The following PTPRD variants were observed in gnomAD, a reference collection of about 807,000 sequenced individuals.
PTPRD encodes the protein receptor-type tyrosine-protein phosphatase delta.
Under a neutral mutation model 214.5 loss-of-function variants are expected in PTPRD, and 34 were observed. That is an observed-to-expected ratio of 0.16 (90% CI 0.12 to 0.21). The LOEUF is 0.21. PTPRD is among the 10% of genes least tolerant of loss of function. The probability of loss-of-function intolerance (pLI) is 1.00; values close to 1 mark genes in which losing one functional copy is unlikely to be tolerated. For missense variants in PTPRD, 2,545 were observed against 2,398.7 expected, an observed-to-expected ratio of 1.06 and a Z score of -1.27; for synonymous variants, 1,128 against 845.7, an observed-to-expected ratio of 1.33 and a Z score of -5.79.
At chr9:9,215,831 C>T (rs1045546702) in intron 9 of PTPRD, among the ~76,000 whole-genome samples, 20 of 152,146 alleles carry the variant, frequency 1.3e-4, no homozygotes, top group African/African-American at 3.6e-4. Flanking sequence ...GGAGTCAGAA[C>T]ACCACAACAG....
At chr9:10,300,295 C>T (rs1267174417) in intron 3 of PTPRD, among the ~76,000 whole-genome samples, 1 of 152,122 alleles carries the variant, frequency 6.6e-6, no homozygotes, top group Non-Finnish European at 1.5e-5. Context: ...GGTGCCTATG[C>T]CACCAGGGCC....
chr9:9,734,896 G>T (rs943086501), intron 6 of PTPRD, among the ~76,000 whole-genome samples: 17 of 152,068 alleles, frequency 1.1e-4, no homozygotes, highest in Admixed American at 6.6e-4. Flanking sequence ...AAATGCACTT[G>T]AAATTCTCTA....
At chr9:10,141,673 T>C (rs1273933550) in intron 3 of PTPRD, among the ~76,000 whole-genome samples, 5 of 152,026 alleles carry the variant, frequency 3.3e-5, no homozygotes, top group Admixed American at 6.6e-5. Flanking sequence ...ATGGCCATAC[T>C]GCCCAAGGTA....
intron 6 of PTPRD, among the ~76,000 whole-genome samples, chr9:9,753,148 G>T (rs192105420): frequency 1.3e-5 from 2 of 152,074 alleles, no homozygotes; most frequent in East Asian, 3.9e-4. Flanking sequence ...TATATTTTCA[G>T]TTTTTATAGG....
Position 8,341,723 on chromosome 9 carries a change from C to A in PTPRD, c.4917G>T (p.Glu1639Asp), listed in dbSNP as rs138915427. ...IQKLTQIETG[E>D]NVTGMELEFK... ...ATTCGAGCTCCATTCCTGTGACATT[C>A]TCTCCCGTTTCTATTTGTGTCAGCT... Residue 1639 changes from glutamate (E) to aspartate (D), a missense_variant, in exon 40 of 46, where the codon GAG becomes GAT. By Grantham distance (45) the Glu-to-Asp change is conservative. Coordinates refer to ENST00000381196, the MANE Select transcript of PTPRD (RefSeq NM_002839.4). 2 of 1,613,486 alleles carry A rather than the reference C, an allele frequency of 1.2e-6. No individual in the cohort carries two copies. Among genetic ancestry groups the A allele is most frequent in the African/African-American group, 1.3e-5 (1 of 74,982 alleles).
chr9:9,683,889 T>G (rs1225019572), intron 7 of PTPRD, among the ~76,000 whole-genome samples: 2 of 151,728 alleles, frequency 1.3e-5, no homozygotes. Flanking sequence ...ATACCAACTA[T>G]TCTAATTTTA....
chr9:10,522,844 G>C (rs981997547), intron 2 of PTPRD, among the ~76,000 whole-genome samples: 1 of 151,858 alleles, frequency 6.6e-6, no homozygotes, highest in Non-Finnish European at 1.5e-5. Flanking sequence ...AAAAATTAAT[G>C]CATAAATAGA....
At position 8,317,224 on chromosome 9, in the gene PTPRD, T is replaced by TA. The variant is rs3215100; in HGVS notation, c.*649dup. ...TATTACAGATAACAGTTCTACAGCT[T>TA]AAAAAAACCTACGATTTGGAAATAA... On this transcript the variant is annotated 3_prime_UTR_variant, in exon 46 of 46. Coordinates refer to ENST00000381196, the MANE Select transcript of PTPRD (RefSeq NM_002839.4). 9,841 of 231,866 alleles carry TA rather than the reference T, an allele frequency of 0.042. 255 individuals are homozygous for TA. The highest frequency in any genetic ancestry group is 0.12 in the South Asian group (672 of 5,512). The allele number at this position is 231,866 out of a possible 1,614,324, so 14.4% of individuals were successfully genotyped here.
intron 3 of PTPRD, among the ~76,000 whole-genome samples, chr9:10,141,315 C>T (rs935624390): frequency 6.6e-6 from 1 of 152,102 alleles, no homozygotes; most frequent in Non-Finnish European, 1.5e-5. Flanking sequence ...CAAATTGTCC[C>T]TTTTTGCAGA....
At chr9:9,684,286 G>A (rs1443043226) in intron 7 of PTPRD, among the ~76,000 whole-genome samples, 1 of 151,546 alleles carries the variant, frequency 6.6e-6, no homozygotes, top group African/African-American at 2.4e-5. Context: ...TACCTTTCTG[G>A]ACTAGTCACC....
intron 2 of PTPRD, among the ~76,000 whole-genome samples, chr9:10,576,903 C>G (rs1307258387): frequency 6.6e-6 from 1 of 151,964 alleles, no homozygotes; most frequent in East Asian, 1.9e-4. Context: ...CAACACTCAC[C>G]CTTATATTTA....
chr9:10,266,524 C>A (rs1006083524), intron 3 of PTPRD, among the ~76,000 whole-genome samples: 1 of 152,182 alleles, frequency 6.6e-6, no homozygotes, highest in Non-Finnish European at 1.5e-5. Flanking sequence ...CAGAATATAT[C>A]TTGAAAGAAA....
intron 2 of PTPRD, among the ~76,000 whole-genome samples, chr9:10,498,194 C>A (rs892448888): frequency 2.0e-5 from 3 of 151,864 alleles, no homozygotes; most frequent in African/African-American, 7.2e-5. Flanking sequence ...ACCTAACATG[C>A]CACCACGGAT....
At chr9:8,428,988 C>A (rs7030220) in intron 35 of PTPRD, among the ~76,000 whole-genome samples, 1 of 152,150 alleles carries the variant, frequency 6.6e-6, no homozygotes, top group Admixed American at 6.5e-5. Context: ...GTCCCCTCTG[C>A]GGAGAAATAC....
rs74530314 is a variant in PTPRD at position 8,662,567 on chromosome 9, T to C, written c.65-25723A>G. Among the ~76,000 whole-genome samples, 588 of 152,266 alleles carry C rather than the reference T, an allele frequency of 3.9e-3. 4 individuals are homozygous for C. Among genetic ancestry groups the C allele is most frequent in the African/African-American group, 0.014 (562 of 41,550 alleles). Reference sequence around the variant, plus strand: ...CTAGGAAAAATGGAAATTTTCATCCTCTGGCTTTTCTCCAACCTCCAAACC... The same window carrying C: ...CTAGGAAAAATGGAAATTTTCATCCCCTGGCTTTTCTCCAACCTCCAAACC... On this transcript the variant is annotated intron_variant, in intron 12 of 45. Transcript: ENST00000381196.
chr9:9,604,659 G>A (rs1034495415), intron 7 of PTPRD, among the ~76,000 whole-genome samples: 2 of 151,890 alleles, frequency 1.3e-5, no homozygotes, highest in African/African-American at 4.8e-5. Context: ...AAAATATTGA[G>A]TTTTACATAG....
At chr9:9,067,009 G>C (rs1341375627) in intron 10 of PTPRD, among the ~76,000 whole-genome samples, 1 of 152,238 alleles carries the variant, frequency 6.6e-6, no homozygotes, top group Non-Finnish European at 1.5e-5. Context: ...TTGGGAGGCT[G>C]AGGTGGGCGG....
chr9:8,722,845 G>C (rs1040695517), intron 12 of PTPRD, among the ~76,000 whole-genome samples: 2 of 152,216 alleles, frequency 1.3e-5, no homozygotes, highest in Non-Finnish European at 2.9e-5. Flanking sequence ...GCTAAAAGCA[G>C]ACATTTGTGC....
chr9:8,433,145 T>A (rs2095167188), intron 35 of PTPRD, among the ~76,000 whole-genome samples: 1 of 152,114 alleles, frequency 6.6e-6, no homozygotes, highest in African/African-American at 2.4e-5. Context: ...AAGAGACTGA[T>A]CCATAAAACT....
Sources: allele counts gnomAD v4.1 joint callset (sites outside exome capture counted in the v4.1 genomes callset), GRCh38; gene constraint gnomAD v4.1.1; transcripts MANE v1.5; gene names NCBI Gene and HGNC (gene_info 2026-07-23, HGNC 2026-07-21).